Variants in TLCD4 observed in about 807,000 individuals in gnomAD.
TLCD4 encodes TLC domain containing 4.
In TLCD4, 7 loss-of-function variants were observed where a neutral mutation model predicts 24.2. The observed-to-expected ratio is 0.29, with a 90% CI of 0.16 to 0.54. The LOEUF (loss-of-function observed/expected upper bound fraction) is 0.54. Among genes scored for constraint, TLCD4 ranks in the 20% least tolerant of loss-of-function variants. The pLI, the probability that TLCD4 is intolerant of heterozygous loss-of-function variation, is 0.95. For synonymous variants in TLCD4, 103 were observed against 106.4 expected (o/e 0.97, Z 0.20); for missense variants, 259 against 313.9 (o/e 0.82, Z 1.32).
At chr1:95,168,718 A>G (rs1003944133) in intron 5 of TLCD4, among the ~76,000 whole-genome samples, 1 of 152,092 alleles carries the variant, frequency 6.6e-6, no homozygotes, top group Non-Finnish European at 1.5e-5. Flanking sequence ...ACTCAGAAAT[A>G]GGCCTGAAGG....
the TLCD4 span, among the ~76,000 whole-genome samples, chr1:95,097,285 CA>C: frequency 6.6e-6 from 1 of 152,182 alleles, no homozygotes; most frequent in Non-Finnish European, 1.5e-5. Context: ...ACTGTAGTGA[CA>C]CTACTGATTC....
intron 5 of TLCD4, among the ~76,000 whole-genome samples, chr1:95,155,836 G>A (rs369955669): frequency 5.3e-5 from 8 of 151,640 alleles, no homozygotes; most frequent in Non-Finnish European, 1.2e-4. Context: ...TTTGAGCTAA[G>A]GAGGGTGGGG....
chr1:95,178,617 C>A (rs1269790362), intron 6 of TLCD4, among the ~76,000 whole-genome samples: 1 of 125,590 alleles, frequency 8.0e-6, no homozygotes, highest in African/African-American at 3.1e-5. Context: ...CTCCCTGCTT[C>A]TCTCTGGGTG....
chr1:95,147,470 A>G (rs2100942216), intron 2 of TLCD4, among the ~76,000 whole-genome samples: 1 of 152,338 alleles, frequency 6.6e-6, no homozygotes, highest in Admixed American at 6.5e-5. Context: ...TCACATTTCA[A>G]AATGATTCTT....
At chr1:95,191,306 T>C (rs146003426) in intron 6 of TLCD4, among the ~76,000 whole-genome samples, 2,040 of 152,254 alleles carry the variant, frequency 0.013, 68 homozygotes, top group African/African-American at 0.047. Flanking sequence ...AGCTCTCTTT[T>C]CTCTTCCATT....
intron 5 of TLCD4, among the ~76,000 whole-genome samples, chr1:95,171,365 A>G (rs1400828362): frequency 6.6e-6 from 1 of 152,170 alleles, no homozygotes; most frequent in African/African-American, 2.4e-5. Flanking sequence ...TCTGATACCA[A>G]AAAAAATCAC....
intron 1 of TLCD4, among the ~76,000 whole-genome samples, chr1:95,122,117 G>A (rs181031416): frequency 4.6e-5 from 7 of 152,326 alleles, no homozygotes; most frequent in South Asian, 2.1e-4. Context: ...TAATCCCAGC[G>A]TGGAGGTGGG....
At chr1:95,113,944 C>A (rs1676384831), upstream of TLCD4, among the ~76,000 whole-genome samples, 1 of 151,982 alleles carries the variant, frequency 6.6e-6, no homozygotes, top group Non-Finnish European at 1.5e-5. Context: ...GGCAGCATAG[C>A]AGACCCTATC....
chr1:95,108,961 A>C, the TLCD4 span, among the ~76,000 whole-genome samples: 1 of 152,128 alleles, frequency 6.6e-6, no homozygotes, highest in Non-Finnish European at 1.5e-5. Flanking sequence ...TTATTTTCCC[A>C]TGTGGACTTT....
chr1:95,112,890 T>TATTC (rs1306380684), upstream of TLCD4, among the ~76,000 whole-genome samples: 1 of 152,142 alleles, frequency 6.6e-6, no homozygotes, highest in Non-Finnish European at 1.5e-5. Context: ...TTTATTTATT[T>TATTC]ATTCTTGTAG....
intron 1 of TLCD4, among the ~76,000 whole-genome samples, chr1:95,127,821 C>T (rs914985099): frequency 2.6e-5 from 4 of 152,280 alleles, no homozygotes; most frequent in Middle Eastern, 6.8e-3. Context: ...GCTTCAAAAC[C>T]GTTACTTTTT....
chr1:95,118,473 A>C (rs1188627285), intron 1 of TLCD4, among the ~76,000 whole-genome samples: 1 of 152,236 alleles, frequency 6.6e-6, no homozygotes, highest in Non-Finnish European at 1.5e-5. Flanking sequence ...TATGAAATTT[A>C]CTTTAAAGAC....
chr1:95,171,057 C>G (rs954675672), intron 5 of TLCD4, among the ~76,000 whole-genome samples: 1 of 152,072 alleles, frequency 6.6e-6, no homozygotes, highest in Non-Finnish European at 1.5e-5. Flanking sequence ...TCATCCCCCC[C>G]CTTTTTTTTA....
intron 1 of TLCD4, among the ~76,000 whole-genome samples, chr1:95,132,820 TGTG>T (rs1557679844): frequency 6.6e-6 from 1 of 151,950 alleles, no homozygotes; most frequent in Non-Finnish European, 1.5e-5. Context: ...GTAGAGGAAG[TGTG>T]GTGTTATGGA....
chr1:95,188,417 G>C (rs1678908481), intron 6 of TLCD4, among the ~76,000 whole-genome samples: 2 of 143,022 alleles, frequency 1.4e-5, no homozygotes, highest in South Asian at 4.5e-4. Context: ...AAAGAATTTA[G>C]TGGGAAACAG....
At chr1:95,096,029 A>G in the TLCD4 span, among the ~76,000 whole-genome samples, 10 of 152,380 alleles carry the variant, frequency 6.6e-5, no homozygotes, top group Middle Eastern at 6.8e-3. Context: ...TAGTCATTGC[A>G]TCAGAAAGTA....
intron 6 of TLCD4, among the ~76,000 whole-genome samples, chr1:95,190,075 T>C (rs1011023515): frequency 4.6e-5 from 7 of 150,668 alleles, no homozygotes; most frequent in Admixed American, 2.0e-4. Flanking sequence ...CATAGTATCT[T>C]GTTGCTAAAA....
intron 5 of TLCD4, among the ~76,000 whole-genome samples, chr1:95,152,584 A>G (rs1011516669): frequency 2.0e-5 from 3 of 152,144 alleles, no homozygotes; most frequent in African/African-American, 7.2e-5. Context: ...TTGAAAAGTA[A>G]GATTCTTTGG....
At chr1:95,190,382 G>T (rs1678984973) in intron 6 of TLCD4, among the ~76,000 whole-genome samples, 1 of 152,148 alleles carries the variant, frequency 6.6e-6, no homozygotes, top group Admixed American at 6.5e-5. Context: ...CCAGGCTGGA[G>T]TGTGGTGGTG....
Sources: gnomAD v4.1 joint callset for allele counts (sites outside exome capture counted in the v4.1 genomes callset) on GRCh38, gnomAD v4.1.1 for gene constraint, MANE v1.5 for transcripts, NCBI Gene and HGNC (gene_info 2026-07-23, HGNC 2026-07-21) for gene names.